IMMP1L: variants seen among roughly 807,000 people sequenced by gnomAD.
IMMP1L encodes mitochondrial inner membrane protease subunit 1.
Under a neutral mutation model 21.8 loss-of-function variants are expected in IMMP1L, and 24 were observed. The ratio of observed to expected loss-of-function variants is 1.10; its 90% confidence interval spans 0.80 to 1.55. The LOEUF (loss-of-function observed/expected upper bound fraction) is 1.55. Among genes scored for constraint, IMMP1L ranks in the 40% most tolerant of loss-of-function variants. The pLI is 0.00. For missense variants in IMMP1L, 195 were observed against 200.7 expected, an observed-to-expected ratio of 0.97 and a Z score of 0.17; for synonymous variants, 46 against 62.8, an observed-to-expected ratio of 0.73 and a Z score of 1.26.
chr11:31,465,108 C>A (rs948748946), intron 1 of IMMP1L, among the ~76,000 whole-genome samples: 3 of 151,970 alleles, frequency 2.0e-5, no homozygotes, highest in South Asian at 2.1e-4. Flanking sequence ...GATACAAAGT[C>A]AACATACAAA....
intron 1 of IMMP1L, among the ~76,000 whole-genome samples, chr11:31,465,948 T>G (rs1385301037): frequency 2.6e-5 from 4 of 151,940 alleles, no homozygotes; most frequent in Non-Finnish European, 5.9e-5. Flanking sequence ...ACTAAAAAGC[T>G]TCTGCACAGC....
intron 1 of IMMP1L, among the ~76,000 whole-genome samples, chr11:31,504,891 G>A (rs981498509): frequency 6.6e-6 from 1 of 152,202 alleles, no homozygotes; most frequent in African/African-American, 2.4e-5. Flanking sequence ...AATCTGTGGT[G>A]CTACAACTCA....
intron 1 of IMMP1L, among the ~76,000 whole-genome samples, chr11:31,489,528 G>A (rs537368206): frequency 5.8e-4 from 88 of 152,282 alleles, no homozygotes; most frequent in Non-Finnish European, 1.1e-3. Context: ...GAGAAACTCT[G>A]ATATATTAAT....
chr11:31,465,247 G>A (rs1954293554), intron 1 of IMMP1L, among the ~76,000 whole-genome samples: 1 of 151,734 alleles, frequency 6.6e-6, no homozygotes, highest in African/African-American at 2.4e-5. Flanking sequence ...TACCCAAGGA[G>A]GTGAAAGACC....
At chr11:31,496,296 T>C (rs1254164219) in intron 1 of IMMP1L, among the ~76,000 whole-genome samples, 4 of 152,180 alleles carry the variant, frequency 2.6e-5, no homozygotes, top group Admixed American at 2.6e-4. Context: ...TGCATTAGGA[T>C]GACTATTATC....
chr11:31,505,392 T>G (rs974529035), intron 1 of IMMP1L, among the ~76,000 whole-genome samples: 2 of 152,178 alleles, frequency 1.3e-5, no homozygotes, highest in Admixed American at 6.5e-5. Flanking sequence ...GATGACTTGA[T>G]GGAGATGAAT....
intron 1 of IMMP1L, among the ~76,000 whole-genome samples, chr11:31,502,269 T>C (rs942683062): frequency 6.6e-6 from 1 of 152,184 alleles, no homozygotes; most frequent in Non-Finnish European, 1.5e-5. Flanking sequence ...AGAATAATTA[T>C]ATAGAACAAG....
In IMMP1L at chr11:31,433,446, G is replaced by GTA; in HGVS notation, c.432+13_432+14insTA. Reference sequence around the variant, plus strand: ...TCAGAAAATAAACCTTACATTTTAAGCAGAAAATGGTACCTTAAAGAAGAT... The same window carrying GTA: ...TCAGAAAATAAACCTTACATTTTAAGTACAGAAAATGGTACCTTAAAGAAGAT... On this transcript the variant is annotated intron_variant, in intron 5 of 5. Transcript: ENST00000532287. 1.4e-6 allele frequency: 2 copies of GTA among 1,407,082 alleles called. No homozygotes were observed. The highest frequency in any genetic ancestry group is 2.0e-6 in the Non-Finnish European group (2 of 1,016,308). 87.2% of individuals were successfully genotyped at this position (1,407,082 alleles called of 1,614,324 possible). A position where few individuals can be genotyped will look rare whatever the true frequency, so the allele number is the denominator to read the frequency against.
chr11:31,460,129 C>A (rs1283655565), intron 3 of IMMP1L, among the ~76,000 whole-genome samples: 2 of 151,982 alleles, frequency 1.3e-5, no homozygotes, highest in Non-Finnish European at 2.9e-5. Context: ...TGCACTCCAG[C>A]CTGGGAGCCA....
At chr11:31,485,979 C>T (rs1955059022) in intron 1 of IMMP1L, among the ~76,000 whole-genome samples, 1 of 151,610 alleles carries the variant, frequency 6.6e-6, no homozygotes, top group African/African-American at 2.4e-5. Flanking sequence ...TCAGAATATA[C>T]AGTGGTTGCC....
At chr11:31,443,527 C>G (rs532210175) in intron 4 of IMMP1L, among the ~76,000 whole-genome samples, 1 of 152,186 alleles carries the variant, frequency 6.6e-6, no homozygotes, top group African/African-American at 2.4e-5. Context: ...CTCGCCCTAA[C>G]TACTTGCCCA....
chr11:31,501,494 C>A (rs934286216), intron 1 of IMMP1L, among the ~76,000 whole-genome samples: 1 of 152,186 alleles, frequency 6.6e-6, no homozygotes, highest in Admixed American at 6.5e-5. Flanking sequence ...ACCAGCCCCT[C>A]AATCTTGGAC....
intron 1 of IMMP1L, among the ~76,000 whole-genome samples, chr11:31,470,203 C>T (rs1468496015): frequency 2.0e-5 from 3 of 152,040 alleles, no homozygotes; most frequent in Admixed American, 6.5e-5. Flanking sequence ...CACCTGATGT[C>T]GGGAGTTCGA....
intron 1 of IMMP1L, among the ~76,000 whole-genome samples, chr11:31,464,269 CA>C (rs369751319): frequency 1.3e-5 from 2 of 151,906 alleles, no homozygotes; most frequent in African/African-American, 4.8e-5. Flanking sequence ...TTATTATCAT[CA>C]CAAAGTTGGC....
intron 4 of IMMP1L, among the ~76,000 whole-genome samples, chr11:31,446,022 T>C (rs1953506440): frequency 6.6e-6 from 1 of 152,156 alleles, no homozygotes; most frequent in Non-Finnish European, 1.5e-5. Flanking sequence ...TAATTTAAAA[T>C]ATAATCTACC....
intron 4 of IMMP1L, among the ~76,000 whole-genome samples, chr11:31,443,180 C>G (rs1446250195): frequency 2.0e-5 from 3 of 152,014 alleles, no homozygotes; most frequent in Admixed American, 2.0e-4. Context: ...CCTATGCACA[C>G]TATTAGAGAT....
chr11:31,475,793 T>C lies in IMMP1L; in HGVS notation c.-29-12488A>G, dbSNP rs573952723. ...CATTGAGAAGATCTTATGTTTTATG[T>C]TGAATTTACTTCAGATGAGTTTATT... is the stretch of plus-strand genomic sequence containing the variant. On this transcript the variant is annotated intron_variant, in intron 1 of 5. Coordinates refer to ENST00000532287, the MANE Select transcript of IMMP1L (RefSeq NM_001304274.2). 3.9e-5 allele frequency among the ~76,000 whole-genome samples: 6 copies of C among 152,340 alleles called. No homozygotes were observed. In the East Asian group the frequency reaches 1.2e-3, roughly 29 times the overall value.
chr11:31,497,050 A>G (rs1279967095), intron 1 of IMMP1L, among the ~76,000 whole-genome samples: 2 of 150,200 alleles, frequency 1.3e-5, no homozygotes, highest in Admixed American at 6.7e-5. Flanking sequence ...TACATATTAT[A>G]TATATATACA....
chr11:31,434,334 T>C (rs1337518254), intron 4 of IMMP1L, among the ~76,000 whole-genome samples: 1 of 152,210 alleles, frequency 6.6e-6, no homozygotes, highest in African/African-American at 2.4e-5. Context: ...ACATTGTTTT[T>C]TTTAAGCCAC....
Sources: allele counts gnomAD v4.1 joint callset (sites outside exome capture counted in the v4.1 genomes callset), GRCh38; gene constraint gnomAD v4.1.1; transcripts MANE v1.5; gene names NCBI Gene and HGNC (gene_info 2026-07-23, HGNC 2026-07-21).